Variants in NDUFA9 observed in about 807,000 individuals in gnomAD.
NDUFA9 encodes the protein NADH dehydrogenase [ubiquinone] 1 alpha subcomplex subunit 9, mitochondrial.
In NDUFA9, 23 loss-of-function variants were observed where a neutral mutation model predicts 45.9. That is an observed-to-expected ratio of 0.50 (90% CI 0.36 to 0.71). The LOEUF is 0.71. NDUFA9 is among the 30% of genes least tolerant of loss of function. The probability of loss-of-function intolerance (pLI) is 0.00; values close to 1 mark genes in which losing one functional copy is unlikely to be tolerated. For missense variants in NDUFA9, 466 were observed against 488.2 expected (o/e 0.95, Z 0.43); for synonymous variants, 176 against 170.5 (o/e 1.03, Z -0.25).
At chr12:4,668,024 GTGC>G (rs1945863634) in intron 6 of NDUFA9, among the ~76,000 whole-genome samples, 1 of 151,834 alleles carries the variant, frequency 6.6e-6, no homozygotes, top group African/African-American at 2.4e-5. Context: ...TGGGTTATCT[GTGC>G]TGTATCACTC....
intron 8 of NDUFA9, among the ~76,000 whole-genome samples, chr12:4,671,128 A>G (rs1043123776): frequency 3.9e-5 from 6 of 152,178 alleles, no homozygotes; most frequent in Non-Finnish European, 8.8e-5. Context: ...TCTTTCTCTG[A>G]TATTTTGAGG....
In NDUFA9 at chr12:4,687,184, CT is replaced by C; in HGVS notation, c.*79del. On this transcript the variant is annotated 3_prime_UTR_variant, in exon 11 of 11. Transcript: ENST00000266544. ...GTTTGAGCACCCAGCCAGGCGGTCTCTTTAGAGGATCCTGTACACAGTTCCA... is the reference window on the plus strand; with the variant it reads ...GTTTGAGCACCCAGCCAGGCGGTCTCTTAGAGGATCCTGTACACAGTTCCA... The C allele has an allele frequency of 1.4e-6, 2 of 1,406,102 alleles. No individual in the cohort carries two copies. Among genetic ancestry groups the C allele is most frequent in the Non-Finnish European group, 9.7e-7 (1 of 1,026,796 alleles). 87.1% of individuals were successfully genotyped at this position (1,406,102 alleles called of 1,614,324 possible).
Position 4,687,096 on chromosome 12 carries a change from C to G in NDUFA9, c.1122C>G (p.Thr374=), listed in dbSNP as rs139060466. The change falls in exon 11 of 11, where the codon ACC becomes ACG. Residue 374 remains threonine (T), a synonymous_variant. Coordinates refer to ENST00000266544, the MANE Select transcript of NDUFA9 (RefSeq NM_005002.5). The part of the protein sequence containing the change: ...AEIEDVKPAK[T]VNI ...TTGAGGATGTGAAGCCGGCCAAGAC[C>G]GTCAACATTTAGTGCCTCCTGAGCA... The G allele has an allele frequency of 2.5e-6, 4 of 1,614,024 alleles. No homozygotes were observed. Among genetic ancestry groups the G allele is most frequent in the Non-Finnish European group, 3.4e-6 (4 of 1,180,046 alleles).
intron 9 of NDUFA9, 195 bp from the exon 10 acceptor site, chr12:4,685,064 G>A (rs1358041737): frequency 2.9e-6 from 2 of 694,228 alleles, no homozygotes; most frequent in South Asian, 3.0e-5. Flanking sequence ...TACAGCAGCC[G>A]ACTGGGTTGG....
rs1027658367 is a variant in NDUFA9, at chr12:4,674,520, G to A, written c.800+4703G>A. ...TGGAAAGCAAAAAAAGGCAGGAGTT[G>A]CAATCCTACTCTGATAAAACAGACT... On this transcript the variant is annotated intron_variant, in intron 8 of 10. Transcript: ENST00000266544. Among the ~76,000 whole-genome samples the A allele has an allele frequency of 2.0e-5, 3 of 152,150 alleles. No homozygotes were observed. In the South Asian group the frequency reaches 6.2e-4, roughly 32 times the overall value.
Position 4,662,762 on chromosome 12 carries a change from TC to T in NDUFA9, c.655+131del, listed in dbSNP as rs761214961. On this transcript the variant is annotated intron_variant, in intron 6 of 10. Coordinates refer to ENST00000266544, the MANE Select transcript of NDUFA9 (RefSeq NM_005002.5). ...TTTTTCTTTCCCAGTTGCCTTTTCC[TC>T]CCCTAAGTTTATATTTTCATAGTCA... The T allele has an allele frequency of 1.3e-4, 84 of 638,614 alleles. 1 individual carries two copies. In the Middle Eastern group the frequency reaches 1.6e-3, roughly 12 times the overall value. The allele number at this position is 638,614 out of a possible 1,614,324, so 39.6% of individuals were successfully genotyped here. A position where few individuals can be genotyped will look rare whatever the true frequency, so the allele number is the denominator to read the frequency against.
chr12:4,684,998 C>T, intron 9 of NDUFA9: 3 of 600,270 alleles, frequency 5.0e-6, no homozygotes, highest in Non-Finnish European at 5.9e-6. Context: ...GGTTTTATTT[C>T]ATTTTAAGTT....
rs1345579657 is a variant in NDUFA9 at position 4,690,047 on chromosome 12, G to C, written c.*2939G>C. 6.6e-6 allele frequency: 1 copy of C among 152,478 alleles called. No homozygotes were observed. Among genetic ancestry groups the C allele is most frequent in the Non-Finnish European group, 1.5e-5 (1 of 68,256 alleles). 9.4% of individuals were successfully genotyped at this position (152,478 alleles called of 1,614,324 possible). A position where few individuals can be genotyped will look rare whatever the true frequency, so the allele number is the denominator to read the frequency against. ...TGCATATGACAAGTAACTGGGAGCT[G>C]GGCATAAGATCTAGGACACTCATAT... On this transcript the variant is annotated 3_prime_UTR_variant, in exon 11 of 11. Coordinates refer to ENST00000266544, the MANE Select transcript of NDUFA9 (RefSeq NM_005002.5).
At chr12:4,655,938 C>T (rs1040471344) in intron 3 of NDUFA9, 1 of 152,194 alleles carries the variant, frequency 6.6e-6, no homozygotes, top group Non-Finnish European at 1.5e-5. Flanking sequence ...CCCCAAATGC[C>T]TGCAGCCAAG....
chr12:4,662,462 A>C, intron 5 of NDUFA9, 71 bp from the exon 6 acceptor site: 3 of 1,129,706 alleles, frequency 2.7e-6, no homozygotes, highest in Non-Finnish European at 4.0e-6. Flanking sequence ...TCATGTCTTA[A>C]TAGTGGAAAG....
At chr12:4,677,655 G>C (rs975875025) in intron 8 of NDUFA9, among the ~76,000 whole-genome samples, 5 of 152,212 alleles carry the variant, frequency 3.3e-5, no homozygotes, top group African/African-American at 9.7e-5. Flanking sequence ...ACAGATGCTG[G>C]AGAGGATGTG....
At position 4,687,854 on chromosome 12, in the gene NDUFA9, A is replaced by G. The variant is rs1398254859; in HGVS notation, c.*746A>G. On this transcript the variant is annotated 3_prime_UTR_variant, in exon 11 of 11. Transcript: ENST00000266544. ...ATGAACATTTGGTTTAGTGTTGGCAAATCCCACCAGTACAGTGTGATTTAA... is the reference window on the plus strand; with the variant it reads ...ATGAACATTTGGTTTAGTGTTGGCAGATCCCACCAGTACAGTGTGATTTAA... 2 of 152,212 alleles carry G rather than the reference A, an allele frequency of 1.3e-5. No individual in the cohort carries two copies. The highest frequency in any genetic ancestry group is 2.9e-5 in the Non-Finnish European group (2 of 68,048). 9.4% of individuals were successfully genotyped at this position (152,212 alleles called of 1,614,324 possible).
intron 10 of NDUFA9, 111 bp downstream of exon 10, chr12:4,685,436 G>A: frequency 9.8e-7 from 1 of 1,019,256 alleles, no homozygotes; most frequent in Non-Finnish European, 1.5e-6. Flanking sequence ...TGTTCTTGCT[G>A]TCTGCAGTCA....
intron 8 of NDUFA9, among the ~76,000 whole-genome samples, chr12:4,671,708 G>T (rs1352437281): frequency 6.6e-6 from 1 of 152,224 alleles, no homozygotes; most frequent in East Asian, 1.9e-4. Flanking sequence ...ACTGACATAA[G>T]AATTGACGTA....
At chr12:4,657,957 G>A (rs1016077987) in intron 4 of NDUFA9, 118 bp downstream of exon 4, 8 of 822,712 alleles carry the variant, frequency 9.7e-6, no homozygotes, top group Admixed American at 3.8e-5. Flanking sequence ...AGTGAATAAG[G>A]GTTGGTTGAA....
chr12:4,672,514 T>A (rs1484219729), intron 8 of NDUFA9, among the ~76,000 whole-genome samples: 2 of 152,226 alleles, frequency 1.3e-5, no homozygotes, highest in Non-Finnish European at 2.9e-5. Context: ...CTCAGCAGTC[T>A]GAGTTCAACC....
chr12:4,673,129 G>T (rs958122392), intron 8 of NDUFA9, among the ~76,000 whole-genome samples: 1 of 152,152 alleles, frequency 6.6e-6, no homozygotes, highest in Non-Finnish European at 1.5e-5. Context: ...CAGCAGAGGG[G>T]CCTGTTAGAA....
At chr12:4,655,211 G>T (rs1462298065) in intron 3 of NDUFA9, 1 of 309,222 alleles carries the variant, frequency 3.2e-6, no homozygotes, top group African/African-American at 2.2e-5. Context: ...GTAACTGGAA[G>T]TAGCCATAGA....
At chr12:4,672,331 G>A (rs191547030) in intron 8 of NDUFA9, among the ~76,000 whole-genome samples, 82 of 152,286 alleles carry the variant, frequency 5.4e-4, no homozygotes, top group Admixed American at 1.7e-3. Context: ...TGGGCTAGCC[G>A]CAGGAGTTTT....
Sources: allele counts gnomAD v4.1 joint callset (sites outside exome capture counted in the v4.1 genomes callset), GRCh38; gene constraint gnomAD v4.1.1; transcripts MANE v1.5; gene names NCBI Gene and HGNC (gene_info 2026-07-23, HGNC 2026-07-21).